The following NOL4 variants were observed in gnomAD, a reference collection of about 807,000 sequenced individuals.
NOL4 encodes cancer/testis antigen 125.
In NOL4, 17 loss-of-function variants were observed where a neutral mutation model predicts 75.9. The observed-to-expected ratio is 0.22, with a 90% confidence interval of 0.15 to 0.34. The LOEUF is 0.34. NOL4 is among the 10% of genes least tolerant of loss of function. The pLI is 1.00. For synonymous variants in NOL4, 292 were observed against 289.9 expected (o/e 1.01, Z -0.07); for missense variants, 614 against 793.5 (o/e 0.77, Z 2.72).
chr18:33,959,447 G>T (rs1297661681), intron 6 of NOL4, among the ~76,000 whole-genome samples: 1 of 151,936 alleles, frequency 6.6e-6, no homozygotes. Context: ...CAAGTATATG[G>T]TGTGATAAGG....
chr18:34,014,759 A>G (rs1015367787), intron 6 of NOL4, among the ~76,000 whole-genome samples: 7 of 152,036 alleles, frequency 4.6e-5, no homozygotes, highest in African/African-American at 1.7e-4. Context: ...CATTCAGTGC[A>G]ATACATTTAG....
At chr18:34,099,524 T>C (rs1239288971) in intron 4 of NOL4, among the ~76,000 whole-genome samples, 1 of 152,094 alleles carries the variant, frequency 6.6e-6, no homozygotes, top group Non-Finnish European at 1.5e-5. Flanking sequence ...ATGCATTTCA[T>C]TACCAGCAAC....
chr18:34,110,128 CAAAAAAAAAAAAAAAAAAAA>C (rs57576599), intron 2 of NOL4, among the ~76,000 whole-genome samples: 16 of 47,810 alleles, frequency 3.3e-4, no homozygotes, highest in African/African-American at 7.4e-4. Flanking sequence ...CGCCCTCCCA[CAAAAAAAAAAAAAAAAAAAA>C]AAAAAAAAAA....
chr18:33,936,031 T>G (rs2068034934), intron 9 of NOL4, among the ~76,000 whole-genome samples: 1 of 152,148 alleles, frequency 6.6e-6, no homozygotes. Flanking sequence ...ATGGTGTTGC[T>G]TTCAGTTAGG....
At chr18:34,136,232 T>A (rs187431726) in intron 1 of NOL4, among the ~76,000 whole-genome samples, 602 of 152,248 alleles carry the variant, frequency 4.0e-3, no homozygotes, top group Middle Eastern at 6.8e-3. Flanking sequence ...ACAACTAACA[T>A]CTTATTTAAT....
At chr18:33,884,419 C>T in intron 9 of NOL4, among the ~76,000 whole-genome samples, 1 of 152,116 alleles carries the variant, frequency 6.6e-6, no homozygotes, top group South Asian at 2.1e-4. Context: ...CATTTTTAAG[C>T]TACGCTAGTG....
intron 1 of NOL4, chr18:34,156,666 C>G (rs1228490587): frequency 1.3e-5 from 2 of 152,452 alleles, no homozygotes; most frequent in East Asian, 3.8e-4. Context: ...GTCTCCCTCT[C>G]TACTTCCATA....
intron 9 of NOL4, among the ~76,000 whole-genome samples, chr18:33,931,443 A>G (rs972367205): frequency 5.3e-5 from 8 of 152,106 alleles, no homozygotes; most frequent in Admixed American, 1.3e-4. Context: ...AATTTTTTAA[A>G]GTAGTGTCTG....
chr18:33,881,210 G>T (rs568403433), intron 10 of NOL4, among the ~76,000 whole-genome samples: 1 of 150,548 alleles, frequency 6.6e-6, no homozygotes, highest in Admixed American at 6.7e-5. Context: ...TTTGTACATT[G>T]ATTTTGTATC....
intron 4 of NOL4, among the ~76,000 whole-genome samples, chr18:34,099,649 A>G (rs1424646413): frequency 1.3e-5 from 2 of 152,018 alleles, no homozygotes; most frequent in Non-Finnish European, 2.9e-5. Context: ...TGAAATTTCT[A>G]TCCCACTGAT....
At chr18:34,093,712 GA>G in intron 4 of NOL4, 115 bp from the exon 5 acceptor site, 1 of 772,920 alleles carries the variant, frequency 1.3e-6, no homozygotes, top group Non-Finnish European at 1.9e-6. Context: ...ACAGAATTCA[GA>G]AAAATATGTT....
chr18:34,129,676 G>A (rs1025200158), intron 2 of NOL4, among the ~76,000 whole-genome samples, 195 bp downstream of exon 2: 1 of 151,652 alleles, frequency 6.6e-6, no homozygotes, highest in Non-Finnish European at 1.5e-5. Context: ...AAATTCTAGA[G>A]ACAGTTTTAA....
chr18:34,016,054 A>G (rs2074673803), intron 6 of NOL4, among the ~76,000 whole-genome samples: 1 of 152,106 alleles, frequency 6.6e-6, no homozygotes, highest in Non-Finnish European at 1.5e-5. Flanking sequence ...TGGGATATAG[A>G]AAGGTAAATA....
intron 1 of NOL4, among the ~76,000 whole-genome samples, chr18:34,138,339 C>G (rs1192772686): frequency 6.6e-6 from 1 of 152,080 alleles, no homozygotes; most frequent in African/African-American, 2.4e-5. Flanking sequence ...AAGGTTGAAG[C>G]TGCAGTGAGT....
At chr18:33,959,422 G>T (rs1389089171) in intron 6 of NOL4, among the ~76,000 whole-genome samples, 1 of 151,948 alleles carries the variant, frequency 6.6e-6, no homozygotes, top group Non-Finnish European at 1.5e-5. Context: ...GAGTGACCTG[G>T]AAATACAGAA....
At chr18:34,090,389 A>C (rs193028456) in intron 5 of NOL4, among the ~76,000 whole-genome samples, 6 of 152,320 alleles carry the variant, frequency 3.9e-5, no homozygotes, top group Non-Finnish European at 8.8e-5. Flanking sequence ...ATGCAGTTTC[A>C]TACAGTGATA....
At chr18:34,003,959 A>T (rs904980640) in intron 6 of NOL4, among the ~76,000 whole-genome samples, 54 of 152,150 alleles carry the variant, frequency 3.5e-4, no homozygotes, top group African/African-American at 1.2e-3. Context: ...AGACCTTAAG[A>T]CAGATTCTTT....
rs1425926009 is a variant in NOL4 at position 33,958,372 on chromosome 18, C to T, written c.1103G>A (p.Ser368Asn). 2 of 1,613,578 alleles carry T rather than the reference C, an allele frequency of 1.2e-6. No individual in the cohort carries two copies. The highest frequency in any genetic ancestry group is 1.7e-5 in the Admixed American group (1 of 59,992). Residue 368 changes from serine to asparagine, a missense_variant, in exon 7 of 11, where the codon AGT becomes AAT. By Grantham distance (46) the Ser-to-Asn change is conservative. Around this residue, in one of 9 missense-constraint regions of NOL4, gnomAD observed 196 missense variants for 167.9 expected, o/e 1.17. Transcript: ENST00000261592. ...YSSYDSGKNE[S>N]VDRGAEDLSL... ...GAGGTCCTCAGCTCCTCGGTCTACA[C>T]TCTCATTTTTGCCAGAGTCATAGCT...
chr18:34,024,194 A>AAAAAATATATATATATATATAT, intron 5 of NOL4, among the ~76,000 whole-genome samples: 4 of 70,684 alleles, frequency 5.7e-5, no homozygotes, highest in African/African-American at 2.1e-4. Flanking sequence ...AAAAAAAAAA[A>AAAAAATATATATATATATATAT]ATATATATAT....
Sources: gnomAD v4.1 joint callset for allele counts (sites outside exome capture counted in the v4.1 genomes callset) on GRCh38, gnomAD v4.1.1 for gene constraint, gnomAD v4.1.1 regional missense constraint, MANE v1.5 for transcripts, NCBI Gene and HGNC (gene_info 2026-07-23, HGNC 2026-07-21) for gene names.